The following DAB1 variants were observed in gnomAD, a reference collection of about 807,000 sequenced individuals.
DAB1 encodes the protein DAB adaptor protein 1.
A neutral mutation model predicts 64.6 loss-of-function variants in DAB1; 15 were observed. That is an observed-to-expected ratio of 0.23 (90% confidence interval 0.16 to 0.36). The LOEUF (loss-of-function observed/expected upper bound fraction) is 0.36, where lower values mean the gene tolerates loss of function less well. Among genes scored for constraint, DAB1 ranks in the 10% least tolerant of loss-of-function variants. DAB1 has a pLI of 1.00. For missense variants in DAB1, 596 were observed against 706.7 expected, an observed-to-expected ratio of 0.84 and a Z score of 1.78; for synonymous variants, 235 against 251.9, an observed-to-expected ratio of 0.93 and a Z score of 0.64.
Position 57,566,491 on chromosome 1 carries a change from G to GT in DAB1, n.625+83100dup, listed in dbSNP as rs1361727922. 8.5e-5 allele frequency among the ~76,000 whole-genome samples: 13 copies of GT among 152,218 alleles called. No individual in the cohort carries two copies. The East Asian group carries it at 2.5e-3, about 29-fold the overall frequency. On this transcript the variant is annotated intron_variant and non_coding_transcript_variant, in intron 7 of 20. Transcript: ENST00000485760. ...AAAAAATCAATGAATCCAGGAGCTT[G>GT]TTTTTTGAAAAGATCAACAAAATCG...
At chr1:58,492,022 A>C (rs146206644) in intron 3 of DAB1, among the ~76,000 whole-genome samples, 1 of 152,090 alleles carries the variant, frequency 6.6e-6, no homozygotes, top group Admixed American at 6.6e-5. Flanking sequence ...GAAGTAAAGC[A>C]CTCCTCAGCA....
chr1:57,249,397 G>T (rs1054191861), intron 2 of DAB1, among the ~76,000 whole-genome samples: 3 of 152,078 alleles, frequency 2.0e-5, no homozygotes, highest in Non-Finnish European at 2.9e-5. Context: ...TTGAGACAAG[G>T]TCTCACTCCA....
intron 4 of DAB1, among the ~76,000 whole-genome samples, chr1:58,206,809 A>G (rs981103633): frequency 6.6e-6 from 1 of 152,244 alleles, no homozygotes; most frequent in African/African-American, 2.4e-5. Context: ...GCAGTTGTTC[A>G]TGAAGTTATG....
chr1:57,783,201 C>G (rs900542901), intron 6 of DAB1, among the ~76,000 whole-genome samples: 1 of 150,418 alleles, frequency 6.6e-6, no homozygotes, highest in African/African-American at 2.5e-5. Flanking sequence ...CATCGACCTC[C>G]CAGGCTCAAG....
In DAB1 at chr1:58,269,230, G is replaced by T. The variant is rs183340488; in HGVS notation, n.309+74122C>A. ...CTTCCTGTGTCCATGTGATCTCATT[G>T]TTCAATTCCCACCTATGAGTGAGAA... On this transcript the variant is annotated intron_variant and non_coding_transcript_variant, in intron 4 of 20. Transcript: ENST00000485760. Among the ~76,000 whole-genome samples the T allele has an allele frequency of 2.7e-5, 4 of 145,792 alleles. No homozygotes were observed. In the East Asian group the frequency reaches 8.2e-4, roughly 30 times the overall value.
At chr1:57,964,518 A>G (rs1270672609) in intron 5 of DAB1, among the ~76,000 whole-genome samples, 1 of 152,132 alleles carries the variant, frequency 6.6e-6, no homozygotes, top group Non-Finnish European at 1.5e-5. Context: ...ACCTAGGCCT[A>G]TTTCAGTACA....
intron 12 of DAB1, among the ~76,000 whole-genome samples, chr1:57,011,581 C>T (rs1489937657): frequency 6.6e-6 from 1 of 152,140 alleles, no homozygotes; most frequent in Non-Finnish European, 1.5e-5. Context: ...CTGACCCTAC[C>T]CCAGATCTAC....
chr1:57,045,410 G>A (rs1022270491), intron 9 of DAB1, among the ~76,000 whole-genome samples: 1 of 152,138 alleles, frequency 6.6e-6, no homozygotes. Flanking sequence ...AAGAAAGTAG[G>A]GTGGCGGCTG....
At chr1:57,058,087 A>T (rs893724132) in intron 9 of DAB1, among the ~76,000 whole-genome samples, 1 of 152,130 alleles carries the variant, frequency 6.6e-6, no homozygotes, top group Non-Finnish European at 1.5e-5. Context: ...CAAGGAAGCA[A>T]GATGTTTTGG....
intron 4 of DAB1, among the ~76,000 whole-genome samples, chr1:58,337,826 T>C (rs576646299): frequency 6.6e-6 from 1 of 152,186 alleles, no homozygotes; most frequent in Admixed American, 6.5e-5. Context: ...TGCAGTCACA[T>C]GGTAGGTGTT....
chr1:58,036,055 A>G (rs187298037), intron 5 of DAB1, among the ~76,000 whole-genome samples: 130 of 152,324 alleles, frequency 8.5e-4, no homozygotes, highest in African/African-American at 3.0e-3. Context: ...AATGAGGGAA[A>G]AAAAAGTCAC....
At chr1:58,297,898 C>G (rs1053238795) in intron 4 of DAB1, among the ~76,000 whole-genome samples, 3 of 152,124 alleles carry the variant, frequency 2.0e-5, no homozygotes, top group Non-Finnish European at 4.4e-5. Context: ...GGAGAGAACA[C>G]AGAGCTGAGA....
At chr1:57,969,308 T>C (rs1301836135) in intron 5 of DAB1, among the ~76,000 whole-genome samples, 1 of 152,082 alleles carries the variant, frequency 6.6e-6, no homozygotes, top group East Asian at 1.9e-4. Context: ...GCTTCACAAA[T>C]GTTAATATAT....
chr1:58,280,493 C>T (rs888633157), intron 4 of DAB1, among the ~76,000 whole-genome samples: 1 of 152,174 alleles, frequency 6.6e-6, no homozygotes, highest in African/African-American at 2.4e-5. Flanking sequence ...CGTAGCAATG[C>T]TACCTCATAG....
At chr1:57,006,060 A>C (rs1357799021) in intron 14 of DAB1, among the ~76,000 whole-genome samples, 1 of 152,168 alleles carries the variant, frequency 6.6e-6, no homozygotes, top group Non-Finnish European at 1.5e-5. Flanking sequence ...TTTATGTATC[A>C]TCTTTTGCTG....
intron 5 of DAB1, among the ~76,000 whole-genome samples, chr1:57,926,884 AGTCAATTACCT>A (rs1481698054): frequency 6.6e-6 from 1 of 152,196 alleles, no homozygotes; most frequent in African/African-American, 2.4e-5. Flanking sequence ...TTTCCATTAC[AGTCAATTACCT>A]TTGATAATAT....
intron 7 of DAB1, among the ~76,000 whole-genome samples, chr1:57,515,936 A>G (rs2101363812): frequency 6.6e-6 from 1 of 152,316 alleles, no homozygotes; most frequent in South Asian, 2.1e-4. Context: ...CTTCTAATCA[A>G]CCATTTACCC....
At chr1:57,823,034 G>T (rs1367013798), downstream of DAB1, among the ~76,000 whole-genome samples, 1 of 149,346 alleles carries the variant, frequency 6.7e-6, no homozygotes, top group Non-Finnish European at 1.5e-5. Flanking sequence ...ACCCAGGCTG[G>T]AGTGCAGTGG....
chr1:58,364,562 C>T (rs1184621184), intron 3 of DAB1, among the ~76,000 whole-genome samples: 2 of 152,308 alleles, frequency 1.3e-5, no homozygotes, highest in Admixed American at 6.5e-5. Context: ...GCCTCCACAC[C>T]TACCCTTTTT....
Sources: gnomAD v4.1 joint callset for allele counts (sites outside exome capture counted in the v4.1 genomes callset) on GRCh38, gnomAD v4.1.1 for gene constraint, MANE v1.5 for transcripts, NCBI Gene and HGNC (gene_info 2026-07-23, HGNC 2026-07-21) for gene names.